The following KLF9 variants were observed in gnomAD, a reference collection of about 807,000 sequenced individuals.
KLF9 encodes Krueppel-like factor 9.
Under a neutral mutation model 17.3 loss-of-function variants are expected in KLF9, and 2 were observed. That is an observed-to-expected ratio of 0.12 (90% CI 0.05 to 0.36). The LOEUF is 0.36. Among genes scored for constraint, KLF9 ranks in the 10% least tolerant of loss-of-function variants. The pLI, the probability that KLF9 is intolerant of heterozygous loss-of-function variation, is 1.00. For synonymous variants in KLF9, 138 were observed against 139.2 expected, an observed-to-expected ratio of 0.99 and a Z score of 0.06; for missense variants, 226 against 333.2, an observed-to-expected ratio of 0.68 and a Z score of 2.51.
intron 1 of KLF9, among the ~76,000 whole-genome samples, chr9:70,392,794 G>A (rs746092963): frequency 4.6e-5 from 7 of 152,224 alleles, no homozygotes; most frequent in East Asian, 1.9e-4. Context: ...CAGCCTTCAC[G>A]CTGAACAAAT....
At position 70,387,705 on chromosome 9, in the gene KLF9, A is replaced by T; in HGVS notation, c.*71T>A. The T allele has an allele frequency of 7.4e-7, 1 of 1,356,764 alleles. No individual in the cohort carries two copies. The highest frequency in any genetic ancestry group is 1.0e-6 in the Non-Finnish European group (1 of 953,326). The allele number at this position is 1,356,764 out of a possible 1,614,324, so 84.0% of individuals were successfully genotyped here. On this transcript the variant is annotated 3_prime_UTR_variant, in exon 2 of 2. Coordinates refer to ENST00000377126, the MANE Select transcript of KLF9 (RefSeq NM_001206.4). ...GTGCCTCTTCTGGGGCTCAGTTTTC[A>T]CGCGTCTGTTTCCTGGGAGTACTTT...
rs1309091384 is a variant in KLF9, at chr9:70,409,073, T to C, written c.505+3786A>G. 5.7e-3 allele frequency among the ~76,000 whole-genome samples: 505 copies of C among 88,520 alleles called. 14 individuals carry two copies. Among genetic ancestry groups the C allele is most frequent in the African/African-American group, 0.016 (463 of 29,190 alleles). 58.1% of individuals were successfully genotyped at this position (88,520 alleles called of 152,430 possible). A position where few individuals can be genotyped will look rare whatever the true frequency, so the allele number is the denominator to read the frequency against. On this transcript the variant is annotated intron_variant, in intron 1 of 1. Transcript: ENST00000377126. ...ATACATATATGTGTATATATATGTG[T>C]ATATATATACACATATATGTATATA...
At chr9:70,396,319 G>A (rs2037181610) in intron 1 of KLF9, among the ~76,000 whole-genome samples, 1 of 152,202 alleles carries the variant, frequency 6.6e-6, no homozygotes, top group Non-Finnish European at 1.5e-5. Context: ...TAAAGGGCTG[G>A]TTTAATACAT....
chr9:70,411,986 C>A (rs748770452), intron 1 of KLF9, among the ~76,000 whole-genome samples: 1 of 152,044 alleles, frequency 6.6e-6, no homozygotes, highest in Non-Finnish European at 1.5e-5. Flanking sequence ...GTCTCCAAAG[C>A]CCATTTTAAA....
rs2037113222 is a variant in KLF9 at position 70,386,784 on chromosome 9, T to C, written c.*992A>G. ...GTTAAAATTCTGTTGGTTCTTTTCT[T>C]TTTCTTTTGCAAAACACTACCCTCC... is the stretch of plus-strand genomic sequence containing the variant. On this transcript the variant is annotated 3_prime_UTR_variant, in exon 2 of 2. Transcript: ENST00000377126. The C allele has an allele frequency of 6.6e-6, 1 of 152,316 alleles. No homozygotes were observed. Among genetic ancestry groups the C allele is most frequent in the Admixed American group, 6.5e-5 (1 of 15,276 alleles). The allele number at this position is 152,316 out of a possible 1,614,324, so 9.4% of individuals were successfully genotyped here. A position where few individuals can be genotyped will look rare whatever the true frequency, so the allele number is the denominator to read the frequency against.
intron 1 of KLF9, among the ~76,000 whole-genome samples, chr9:70,409,261 G>C (rs755642809): frequency 9.9e-4 from 144 of 145,300 alleles, no homozygotes; most frequent in Non-Finnish European, 1.8e-3. Context: ...TAGAACTGGG[G>C]TGTCATGGTT....
At position 70,414,200 on chromosome 9, in the gene KLF9, C is replaced by T. The variant is rs569385393; in HGVS notation, c.-837G>A. ...AGCTGGGAGGCAGGGAAGGGGCAGCCGCACACTTTCGGAGTGCCTCGCGGT... is the reference window on the plus strand; with the variant it reads ...AGCTGGGAGGCAGGGAAGGGGCAGCTGCACACTTTCGGAGTGCCTCGCGGT... On this transcript the variant is annotated 5_prime_UTR_variant, in exon 1 of 2. Coordinates refer to ENST00000377126, the MANE Select transcript of KLF9 (RefSeq NM_001206.4). 6.6e-5 allele frequency: 10 copies of T among 152,252 alleles called. No individual in the cohort carries two copies. The highest frequency in any genetic ancestry group is 6.5e-5 in the Admixed American group (1 of 15,272). 9.4% of individuals were successfully genotyped at this position (152,252 alleles called of 1,614,324 possible). A position where few individuals can be genotyped will look rare whatever the true frequency, so the allele number is the denominator to read the frequency against.
At position 70,413,087 on chromosome 9, in the gene KLF9, T is replaced by C. The variant is rs764964936; in HGVS notation, c.277A>G (p.Met93Val). 1.4e-5 allele frequency: 22 copies of C among 1,614,148 alleles called. No homozygotes were observed. The South Asian group carries it at 2.3e-4, about 17-fold the overall frequency. ...GTGGTCACGTCGCTGTCGGATCCCA[T>C]ATCCTCATCTGGACTTTCCAGACTG... ...SDSLESPDED[M>V]GSDSDVTTES... Residue 93 changes from methionine to valine, a missense_variant, in exon 1 of 2, where the codon ATG (methionine) becomes GTG (valine). Met to Val is a conservative substitution (Grantham distance 21). Transcript: ENST00000377126. This position sits in a 1 kb window ranked among gnomAD's most constrained non-coding sequence, Gnocchi z 5.6.
rs574897807 is a variant in KLF9 at position 70,385,786 on chromosome 9, CA to C, written c.*1989del. The C allele has an allele frequency of 3.5e-4, 53 of 152,640 alleles. No homozygotes were observed. Among genetic ancestry groups the C allele is most frequent in the Admixed American group, 6.5e-4 (10 of 15,296 alleles). The allele number at this position is 152,640 out of a possible 1,614,324, so 9.5% of individuals were successfully genotyped here. On this transcript the variant is annotated 3_prime_UTR_variant, in exon 2 of 2. Coordinates refer to ENST00000377126, the MANE Select transcript of KLF9 (RefSeq NM_001206.4). Reference sequence around the variant, plus strand: ...AAAATTTGGTTTAAAATAAGTGTTTCAAAAATCTGAAACAGAGGTAGAAAGT... The same window carrying C: ...AAAATTTGGTTTAAAATAAGTGTTTCAAAATCTGAAACAGAGGTAGAAAGT...
Position 70,387,435 on chromosome 9 carries a change from A to T in KLF9, c.*341T>A, listed in dbSNP as rs957462119. The T allele has an allele frequency of 2.0e-5, 1 of 49,066 alleles. No homozygotes were observed. Among genetic ancestry groups the T allele is most frequent in the African/African-American group, 7.7e-5 (1 of 12,996 alleles). 3.0% of individuals were successfully genotyped at this position (49,066 alleles called of 1,614,324 possible). On this transcript the variant is annotated 3_prime_UTR_variant, in exon 2 of 2. Coordinates refer to ENST00000377126, the MANE Select transcript of KLF9 (RefSeq NM_001206.4). ...TCTTGGCCTTACCCCCCTCCCCCCCACCCACTCCCTACCCTCCCCCGCAAA... is the reference window on the plus strand; with the variant it reads ...TCTTGGCCTTACCCCCCTCCCCCCCTCCCACTCCCTACCCTCCCCCGCAAA...
In KLF9 at chr9:70,387,975, T is replaced by C. The variant is rs559643866; in HGVS notation, c.536A>G (p.Asp179Gly). 1 of 1,613,702 alleles carries C rather than the reference T, an allele frequency of 6.2e-7. No individual in the cohort carries two copies. The highest frequency in any genetic ancestry group is 1.7e-5 in the Admixed American group (1 of 59,974). The change falls in exon 2 of 2, where the codon GAC (aspartate) becomes GGC (glycine). Residue 179 changes from aspartate to glycine, a missense_variant. Physicochemically the swap from Asp to Gly is moderately conservative, Grantham distance 94 (BLOSUM62 -1). Transcript: ENST00000377126. Reference sequence around the variant, plus strand: ...TGAGCGGGAGAACTTTTTAAGGCAGTCTGGCCACGTGCAGGGAAAGGGCCG... The same window carrying C: ...TGAGCGGGAGAACTTTTTAAGGCAGCCTGGCCACGTGCAGGGAAAGGGCCG... Reference protein sequence around the residue: ...GERPFPCTWPDCLKKFSRSDE... With the variant: ...GERPFPCTWPGCLKKFSRSDE...
chr9:70,397,529 C>A (rs1437004460), intron 1 of KLF9, among the ~76,000 whole-genome samples: 1 of 151,956 alleles, frequency 6.6e-6, no homozygotes, highest in Non-Finnish European at 1.5e-5. Flanking sequence ...CTACATCTGT[C>A]TTCTCACTCC....
In KLF9 at chr9:70,413,607, C is replaced by G; in HGVS notation, c.-244G>C. 1 of 210,068 alleles carries G rather than the reference C, an allele frequency of 4.8e-6. No individual in the cohort carries two copies. The highest frequency in any genetic ancestry group is 9.1e-6 in the Non-Finnish European group (1 of 109,992). The allele number at this position is 210,068 out of a possible 1,614,324, so 13.0% of individuals were successfully genotyped here. A position where few individuals can be genotyped will look rare whatever the true frequency, so the allele number is the denominator to read the frequency against. On this transcript the variant is annotated 5_prime_UTR_variant, in exon 1 of 2. Coordinates refer to ENST00000377126, the MANE Select transcript of KLF9 (RefSeq NM_001206.4). This position sits in a 1 kb window ranked among gnomAD's most constrained non-coding sequence, Gnocchi z 5.6. ...TCCACGGCCCCGGGCTCCGCCGCGC[C>G]GCCGCCTCTAGCCGCCGCCCCTGCC...
At chr9:70,390,689 GT>G (rs2037148029) in intron 1 of KLF9, among the ~76,000 whole-genome samples, 1 of 151,732 alleles carries the variant, frequency 6.6e-6, no homozygotes, top group Admixed American at 6.6e-5. Flanking sequence ...CCTCCTCCTG[GT>G]CACTCACATT....
At chr9:70,408,715 G>C (rs1465362147) in intron 1 of KLF9, among the ~76,000 whole-genome samples, 1 of 152,112 alleles carries the variant, frequency 6.6e-6, no homozygotes. Flanking sequence ...AGGGAGAAGA[G>C]TGCAAGAAGC....
At chr9:70,409,034 ATGTG>A (rs1554708104) in intron 1 of KLF9, among the ~76,000 whole-genome samples, 1 of 99,372 alleles carries the variant, frequency 1.0e-5, no homozygotes, top group African/African-American at 3.2e-5. Flanking sequence ...ATATATATAT[ATGTG>A]TATATATATA....
chr9:70,405,337 C>T (rs1278997735), intron 1 of KLF9, among the ~76,000 whole-genome samples: 2 of 152,202 alleles, frequency 1.3e-5, no homozygotes, highest in Non-Finnish European at 2.9e-5. Flanking sequence ...CATTTCAAAT[C>T]CTTGTCACTA....
chr9:70,413,049 C>A lies in KLF9; in HGVS notation c.315G>T (p.Ser105=), dbSNP rs771975781. 8 of 1,614,066 alleles carry A rather than the reference C, an allele frequency of 5.0e-6. No homozygotes were observed. Among genetic ancestry groups the A allele is most frequent in the Non-Finnish European group, 6.8e-6 (8 of 1,179,936 alleles). The change falls in exon 1 of 2, where the codon TCG becomes TCT. Residue 105 remains serine (S), a synonymous_variant. Coordinates refer to ENST00000377126, the MANE Select transcript of KLF9 (RefSeq NM_001206.4). This position sits in a 1 kb window ranked among gnomAD's most constrained non-coding sequence, Gnocchi z 5.6. ...SDSDVTTESG[S]SPSHSPEERQ... is the part of the protein sequence containing the mutation. Reference sequence around the variant, plus strand: ...TCTCCTCCGGGCTGTGGGAAGGACTCGACCCAGATTCGGTGGTCACGTCGC... The same window carrying A: ...TCTCCTCCGGGCTGTGGGAAGGACTAGACCCAGATTCGGTGGTCACGTCGC...
At chr9:70,406,392 A>T (rs1212393120) in intron 1 of KLF9, among the ~76,000 whole-genome samples, 1 of 152,182 alleles carries the variant, frequency 6.6e-6, no homozygotes, top group Non-Finnish European at 1.5e-5. Context: ...TCAAGAGAAC[A>T]ATCCCCATCT....
Sources: gnomAD v4.1 joint callset for allele counts (sites outside exome capture counted in the v4.1 genomes callset) on GRCh38, gnomAD v4.1.1 for gene constraint, Gnocchi (gnomAD v3.1) non-coding constraint, MANE v1.5 for transcripts, NCBI Gene and HGNC (gene_info 2026-07-23, HGNC 2026-07-21) for gene names.